The following RELN variants were observed in gnomAD, a reference collection of about 807,000 sequenced individuals.
RELN encodes the protein reelin.
Under a neutral mutation model 427.6 loss-of-function variants are expected in RELN, and 108 were observed. The observed-to-expected ratio is 0.25, with a 90% CI of 0.22 to 0.30. The LOEUF is 0.30. Among genes scored for constraint, RELN ranks in the 10% least tolerant of loss-of-function variants. The probability of loss-of-function intolerance (pLI) is 1.00; values close to 1 mark genes in which losing one functional copy is unlikely to be tolerated. For synonymous variants in RELN, 1,524 were observed against 1,513.4 expected, an observed-to-expected ratio of 1.01 and a Z score of -0.16; for missense variants, 3,715 against 4,302.8, an observed-to-expected ratio of 0.86 and a Z score of 3.82.
chr7:103,536,544 T>C (rs1430985994), intron 45 of RELN, among the ~76,000 whole-genome samples: 2 of 152,220 alleles, frequency 1.3e-5, no homozygotes, highest in East Asian at 1.9e-4. Context: ...GATTCTCCCG[T>C]GCAGCCAGTG....
intron 3 of RELN, among the ~76,000 whole-genome samples, chr7:103,789,605 G>C (rs561966981): frequency 2.9e-4 from 44 of 152,300 alleles, no homozygotes; most frequent in African/African-American, 1.0e-3. Flanking sequence ...CTGGTCATTA[G>C]AGAAATGCAA....
intron 6 of RELN, among the ~76,000 whole-genome samples, chr7:103,732,814 C>T (rs1283371734): frequency 6.6e-6 from 1 of 152,088 alleles, no homozygotes; most frequent in Non-Finnish European, 1.5e-5. Context: ...ATTTAACCCC[C>T]AAAAATGTTC....
intron 16 of RELN, among the ~76,000 whole-genome samples, chr7:103,646,504 C>G (rs78629402): frequency 0.01 from 1,574 of 151,878 alleles, 23 homozygotes; most frequent in African/African-American, 0.036. Context: ...TTTATGTGCA[C>G]AATCCAGAAA....
chr7:103,974,327 A>G (rs73405671), intron 1 of RELN, among the ~76,000 whole-genome samples: 1,539 of 152,322 alleles, frequency 0.01, 32 homozygotes, highest in African/African-American at 0.035. Context: ...CCAAGGCCAC[A>G]TGACTTAAAA....
At chr7:103,670,969 T>C (rs764195338) in intron 11 of RELN, among the ~76,000 whole-genome samples, 2 of 152,070 alleles carry the variant, frequency 1.3e-5, no homozygotes, top group Non-Finnish European at 2.9e-5. Context: ...GGCTATAAGA[T>C]CCTATATTGA....
At chr7:103,756,386 CA>C (rs1359207007) in intron 4 of RELN, among the ~76,000 whole-genome samples, 1 of 152,170 alleles carries the variant, frequency 6.6e-6, no homozygotes, top group African/African-American at 2.4e-5. Context: ...TTAAACTACA[CA>C]ATCCACTGCT....
At chr7:103,966,921 G>A (rs558632665) in intron 1 of RELN, among the ~76,000 whole-genome samples, 1 of 152,326 alleles carries the variant, frequency 6.6e-6, no homozygotes, top group Non-Finnish European at 1.5e-5. Flanking sequence ...CAACAATTCA[G>A]ATGTTGGGGT....
chr7:103,819,947 A>G (rs1309191912), intron 3 of RELN, among the ~76,000 whole-genome samples: 1 of 151,952 alleles, frequency 6.6e-6, no homozygotes, highest in Non-Finnish European at 1.5e-5. Context: ...AGATCTTTAA[A>G]CAGAAATGAA....
intron 8 of RELN, among the ~76,000 whole-genome samples, chr7:103,720,976 C>G (rs916329956): frequency 6.6e-6 from 1 of 152,170 alleles, no homozygotes; most frequent in Non-Finnish European, 1.5e-5. Flanking sequence ...CTTTGCCATT[C>G]TAACTCTTCT....
At chr7:103,899,034 T>C (rs534879748) in intron 2 of RELN, among the ~76,000 whole-genome samples, 49 of 152,064 alleles carry the variant, frequency 3.2e-4, no homozygotes, top group Middle Eastern at 3.4e-3. Flanking sequence ...CTAAGATAGA[T>C]AGACCACTAG....
chr7:103,564,221 A>T (rs950958306), intron 34 of RELN, among the ~76,000 whole-genome samples: 1 of 152,250 alleles, frequency 6.6e-6, no homozygotes, highest in African/African-American at 2.4e-5. Flanking sequence ...TAAATACTAA[A>T]ATGTTTTGGC....
rs77460921 is a variant in RELN, at chr7:103,653,035, C to T, written c.1555-276G>A. Among the ~76,000 whole-genome samples, 207 of 152,120 alleles carry T rather than the reference C, an allele frequency of 1.4e-3. 3 individuals carry two copies. The East Asian group carries it at 0.035, about 26-fold the overall frequency. On this transcript the variant is annotated intron_variant, in intron 13 of 64. Transcript: ENST00000428762. ...AACTGAAGATAAACTGATATAAGGTCTTTAAGAGTTATCTAAGCATGTGTA... is the reference window on the plus strand; with the variant it reads ...AACTGAAGATAAACTGATATAAGGTTTTTAAGAGTTATCTAAGCATGTGTA...
chr7:103,754,804 A>C (rs2116092477), intron 4 of RELN, among the ~76,000 whole-genome samples: 1 of 152,248 alleles, frequency 6.6e-6, no homozygotes, highest in South Asian at 2.1e-4. Context: ...AAAGAAGTGA[A>C]ATGCACAGTC....
chr7:103,942,872 A>G (rs912184009), intron 1 of RELN, among the ~76,000 whole-genome samples: 1 of 152,028 alleles, frequency 6.6e-6, no homozygotes, highest in African/African-American at 2.4e-5. Context: ...AGATTGCGCC[A>G]CTGCACTGCA....
rs1376304492 is a variant in RELN, at chr7:103,553,892, C to T, written c.5798-61G>A. ...GATGAAAATCAAATGAACACTTTTG[C>T]TCATTGAAAGAAAGCAAAGGACAAA... On this transcript the variant is annotated intron_variant, in intron 38 of 64. Coordinates refer to ENST00000428762, the MANE Select transcript of RELN (RefSeq NM_005045.4). The T allele has an allele frequency of 7.0e-6, 10 of 1,427,444 alleles. No homozygotes were observed. In the Admixed American group the frequency reaches 1.2e-4, roughly 17 times the overall value. The allele number at this position is 1,427,444 out of a possible 1,614,324, so 88.4% of individuals were successfully genotyped here. A position where few individuals can be genotyped will look rare whatever the true frequency, so the allele number is the denominator to read the frequency against.
intron 3 of RELN, among the ~76,000 whole-genome samples, chr7:103,810,721 C>T (rs1792721480): frequency 6.6e-6 from 1 of 152,150 alleles, no homozygotes; most frequent in African/African-American, 2.4e-5. Context: ...TGCATGTGCA[C>T]AGTGTTTGTT....
At chr7:103,813,080 T>C (rs1283813252) in intron 3 of RELN, among the ~76,000 whole-genome samples, 1 of 152,226 alleles carries the variant, frequency 6.6e-6, no homozygotes, top group African/African-American at 2.4e-5. Context: ...AACTTGCTCT[T>C]TTCCCTCTGT....
chr7:103,778,153 A>G (rs914731715), intron 3 of RELN, among the ~76,000 whole-genome samples: 2 of 152,204 alleles, frequency 1.3e-5, no homozygotes, highest in Non-Finnish European at 2.9e-5. Context: ...GGAGAACTAA[A>G]CATAGGGCCA....
At chr7:103,749,946 G>T (rs539397265) in intron 5 of RELN, among the ~76,000 whole-genome samples, 2 of 152,038 alleles carry the variant, frequency 1.3e-5, no homozygotes, top group Admixed American at 1.3e-4. Context: ...CTCTCATGCT[G>T]TTCTCATGAC....
Sources: gnomAD v4.1 joint callset for allele counts (sites outside exome capture counted in the v4.1 genomes callset) on GRCh38, gnomAD v4.1.1 for gene constraint, MANE v1.5 for transcripts, NCBI Gene and HGNC (gene_info 2026-07-23, HGNC 2026-07-21) for gene names.